PALM2AKAP2: variants seen among roughly 807,000 people sequenced by gnomAD.
PALM2AKAP2 encodes PALM2-AKAP2 fusion protein.
In PALM2AKAP2, 37 loss-of-function variants were observed where a neutral mutation model predicts 71.5. The ratio of observed to expected loss-of-function variants is 0.52; its 90% CI spans 0.40 to 0.68. The LOEUF (loss-of-function observed/expected upper bound fraction) is 0.68, where lower values mean the gene tolerates loss of function less well. Among genes scored for constraint, PALM2AKAP2 ranks in the 30% least tolerant of loss-of-function variants. The pLI is 0.00. For missense variants in PALM2AKAP2, 1,224 were observed against 1,191.8 expected, an observed-to-expected ratio of 1.03 and a Z score of -0.40; for synonymous variants, 468 against 478.8, an observed-to-expected ratio of 0.98 and a Z score of 0.29.
At chr9:110,082,897 G>A (rs1369907854) in intron 1 of PALM2AKAP2, among the ~76,000 whole-genome samples, 2 of 152,100 alleles carry the variant, frequency 1.3e-5, no homozygotes, top group Non-Finnish European at 2.9e-5. Flanking sequence ...ATCCCAGCAC[G>A]TTGGGAGGCT....
chr9:109,998,418 C>T (rs567203999), intron 6 of PALM2AKAP2, among the ~76,000 whole-genome samples: 52 of 152,000 alleles, frequency 3.4e-4, no homozygotes, highest in African/African-American at 1.2e-3. Flanking sequence ...GTGATGAGGA[C>T]GAGAATAATC....
intron 3 of PALM2AKAP2, among the ~76,000 whole-genome samples, chr9:109,880,963 G>A (rs1006186994): frequency 1.3e-5 from 2 of 152,078 alleles, no homozygotes; most frequent in Non-Finnish European, 2.9e-5. Context: ...GGGATTTGTT[G>A]AACAGATTAT....
At chr9:109,848,519 C>T (rs1468551863) in intron 1 of PALM2AKAP2, among the ~76,000 whole-genome samples, 1 of 152,170 alleles carries the variant, frequency 6.6e-6, no homozygotes, top group Admixed American at 6.5e-5. Flanking sequence ...AATGCAGCCT[C>T]CTAGAGCTCA....
chr9:109,902,400 A>G (rs966457747), intron 3 of PALM2AKAP2, among the ~76,000 whole-genome samples: 1 of 152,228 alleles, frequency 6.6e-6, no homozygotes. Flanking sequence ...CCATGGGAGC[A>G]TGGGAGGGAT....
At chr9:110,066,117 A>C (rs1394556430) in intron 1 of PALM2AKAP2, among the ~76,000 whole-genome samples, 2 of 152,220 alleles carry the variant, frequency 1.3e-5, no homozygotes, top group African/African-American at 4.8e-5. Flanking sequence ...TGAAAAAGTA[A>C]ATCATGGTGC....
intron 1 of PALM2AKAP2, among the ~76,000 whole-genome samples, chr9:109,644,166 G>C (rs1431840096): frequency 6.6e-6 from 1 of 152,048 alleles, no homozygotes; most frequent in East Asian, 1.9e-4. Flanking sequence ...ACCTGGAGGG[G>C]GACATCCAAT....
rs57021753 is a variant in PALM2AKAP2 at position 109,894,298 on chromosome 9, C to A, written c.257+13617C>A. Among the ~76,000 whole-genome samples, 608 of 152,308 alleles carry A rather than the reference C, an allele frequency of 4.0e-3. 4 individuals are homozygous for A. The highest frequency in any genetic ancestry group is 0.012 in the African/African-American group (490 of 41,556). ...AGGTTGCAGTCAGCCAAGATCGCAC[C>A]ATTGCACTCCAGCCTGGGCAACAGA... On this transcript the variant is annotated intron_variant, in intron 3 of 9. Coordinates refer to the PALM2AKAP2 transcript ENST00000302798.
In PALM2AKAP2 at chr9:109,834,682, C is replaced by T. The variant is rs117765562; in HGVS notation, c.46-32809C>T. 7.6e-4 allele frequency among the ~76,000 whole-genome samples: 115 copies of T among 152,304 alleles called. 1 individual carries two copies. The East Asian group carries it at 0.022, about 29-fold the overall frequency. On this transcript the variant is annotated intron_variant, in intron 1 of 9. Transcript: ENST00000302798. ...AAACAGAGGCAACAGCTTCTGTTTG[C>T]TAAGTGTTACCACATGCTAGGCACT...
intron 1 of PALM2AKAP2, among the ~76,000 whole-genome samples, chr9:109,751,493 T>C (rs904169232): frequency 6.6e-6 from 1 of 152,166 alleles, no homozygotes; most frequent in African/African-American, 2.4e-5. Context: ...ACTCCAGCCA[T>C]GCTGTGATTT....
At chr9:109,689,021 G>A (rs1341423047) in intron 1 of PALM2AKAP2, among the ~76,000 whole-genome samples, 1 of 152,094 alleles carries the variant, frequency 6.6e-6, no homozygotes, top group African/African-American at 2.4e-5. Context: ...CAGTCAGTAG[G>A]AGGATTACTG....
chr9:109,674,957 G>T (rs1827628225), intron 1 of PALM2AKAP2, among the ~76,000 whole-genome samples: 1 of 151,846 alleles, frequency 6.6e-6, no homozygotes, highest in Non-Finnish European at 1.5e-5. Flanking sequence ...TAACCACTCT[G>T]TTTTTCACTT....
At chr9:109,967,621 G>T (rs1305230965) in intron 6 of PALM2AKAP2, among the ~76,000 whole-genome samples, 3 of 152,134 alleles carry the variant, frequency 2.0e-5, no homozygotes. Flanking sequence ...TATTGGCCAC[G>T]CTGGTCTCAA....
At chr9:110,167,780 C>T (rs1024456115) in intron 3 of PALM2AKAP2, among the ~76,000 whole-genome samples, 1 of 151,904 alleles carries the variant, frequency 6.6e-6, no homozygotes, top group Non-Finnish European at 1.5e-5. Flanking sequence ...GTTTGCAAAG[C>T]TTGATGGACT....
chr9:109,945,721 T>C (rs1014633537), intron 6 of PALM2AKAP2: 15 of 152,226 alleles, frequency 9.9e-5, no homozygotes, highest in Admixed American at 7.9e-4. Context: ...AATGGTAGAA[T>C]GTAGAACCTT....
At chr9:109,801,085 T>C (rs1270475647) in intron 1 of PALM2AKAP2, among the ~76,000 whole-genome samples, 1 of 152,214 alleles carries the variant, frequency 6.6e-6, no homozygotes, top group Non-Finnish European at 1.5e-5. Flanking sequence ...AGAAGCAAGA[T>C]AACAGGGTAG....
chr9:109,765,558 C>T (rs1203510437), intron 1 of PALM2AKAP2: 1 of 153,184 alleles, frequency 6.5e-6, no homozygotes, highest in Non-Finnish European at 1.5e-5. Flanking sequence ...ATAGTAAAAT[C>T]ACCTGAGAAA....
At chr9:109,783,907 C>T (rs998796870) in intron 1 of PALM2AKAP2, among the ~76,000 whole-genome samples, 21 of 152,322 alleles carry the variant, frequency 1.4e-4, no homozygotes, top group Admixed American at 1.2e-3. Flanking sequence ...AATATCCGCC[C>T]CCACCAACAA....
At chr9:109,928,198 G>A (rs1037120758) in intron 5 of PALM2AKAP2, among the ~76,000 whole-genome samples, 1 of 152,100 alleles carries the variant, frequency 6.6e-6, no homozygotes, top group Non-Finnish European at 1.5e-5. Flanking sequence ...CACCTCCCAG[G>A]TTCAAGCCAT....
At chr9:109,785,540 T>C (rs1437034867) in intron 1 of PALM2AKAP2, among the ~76,000 whole-genome samples, 1 of 152,156 alleles carries the variant, frequency 6.6e-6, no homozygotes, top group Admixed American at 6.5e-5. Context: ...TTAATGGACT[T>C]ATAGTTCCAC....
Sources: gnomAD v4.1 joint callset for allele counts (sites outside exome capture counted in the v4.1 genomes callset) on GRCh38, gnomAD v4.1.1 for gene constraint, MANE v1.5 for transcripts, NCBI Gene and HGNC (gene_info 2026-07-23, HGNC 2026-07-21) for gene names.